The following PIK3CB variants were observed in gnomAD, a reference collection of about 807,000 sequenced individuals.
The protein encoded by PIK3CB is phosphatidylinositol-4,5-bisphosphate 3-kinase catalytic subunit beta, also known as phosphatidylinositol 4,5-bisphosphate 3-kinase catalytic subunit beta isoform.
In PIK3CB, 39 loss-of-function variants were observed where a neutral mutation model predicts 136.8. That is an observed-to-expected ratio of 0.29 (90% confidence interval 0.22 to 0.37). The LOEUF is 0.37. Ranked by LOEUF, PIK3CB falls within the 10% of genes least tolerant of loss-of-function variation. The pLI is 1.00. For synonymous variants in PIK3CB, 428 were observed against 436.6 expected, an observed-to-expected ratio of 0.98 and a Z score of 0.25; for missense variants, 868 against 1,275.4, an observed-to-expected ratio of 0.68 and a Z score of 4.87.
intron 19 of PIK3CB, among the ~76,000 whole-genome samples, chr3:138,669,479 C>G (rs1474904136): frequency 1.4e-5 from 2 of 147,680 alleles, no homozygotes; most frequent in Non-Finnish European, 3.0e-5. Context: ...GATATGAAGT[C>G]TTAATGGAGG....
intron 2 of PIK3CB, among the ~76,000 whole-genome samples, chr3:138,792,331 T>A (rs936525179): frequency 3.5e-5 from 5 of 143,986 alleles, no homozygotes; most frequent in African/African-American, 1.3e-4. Context: ...GCATTTACAT[T>A]GTATTAGGTA....
chr3:138,807,611 T>G (rs1278897553), intron 1 of PIK3CB, among the ~76,000 whole-genome samples: 1 of 152,072 alleles, frequency 6.6e-6, no homozygotes, highest in East Asian at 1.9e-4. Flanking sequence ...AGTCCAGGTG[T>G]GGTGGGAACA....
chr3:138,788,737 C>T (rs1181341145), intron 2 of PIK3CB, among the ~76,000 whole-genome samples: 1 of 148,496 alleles, frequency 6.7e-6, no homozygotes, highest in South Asian at 2.1e-4. Flanking sequence ...CCAAGGCGGG[C>T]GGATCACCTG....
chr3:138,663,781 GAAGTA>G (rs2043350521), intron 21 of PIK3CB, 120 bp downstream of exon 21: 4 of 887,912 alleles, frequency 4.5e-6, no homozygotes, highest in Non-Finnish European at 7.0e-6. Context: ...GTGAGAAATT[GAAGTA>G]AAGACAAAGA....
intron 1 of PIK3CB, chr3:138,825,222 C>T (rs982787509): frequency 9.7e-5 from 33 of 338,924 alleles, no homozygotes; most frequent in Middle Eastern, 4.3e-4. Context: ...CACTGATGCT[C>T]AAGAAGACAG....
chr3:138,826,046 G>A, intron 1 of PIK3CB: 1 of 1,294,154 alleles, frequency 7.7e-7, no homozygotes, highest in Non-Finnish European at 1.1e-6. Flanking sequence ...AGCTTACACA[G>A]CTTGCAAGTT....
chr3:138,801,599 G>A (rs969581959), intron 1 of PIK3CB, among the ~76,000 whole-genome samples: 8 of 151,894 alleles, frequency 5.3e-5, no homozygotes, highest in African/African-American at 7.2e-5. Context: ...AGCCAGGCGC[G>A]GTAGCTCACA....
intron 9 of PIK3CB, among the ~76,000 whole-genome samples, chr3:138,714,194 C>T (rs951371096): frequency 6.6e-6 from 1 of 151,950 alleles, no homozygotes; most frequent in African/African-American, 2.4e-5. Context: ...AAAAGTATTA[C>T]ATATATAATA....
At chr3:138,798,775 C>A (rs1456532418) in intron 1 of PIK3CB, among the ~76,000 whole-genome samples, 1 of 152,096 alleles carries the variant, frequency 6.6e-6, no homozygotes, top group Non-Finnish European at 1.5e-5. Flanking sequence ...GGAACTAAGA[C>A]CTTAGCACTG....
At chr3:138,704,962 T>C (rs536374813) in intron 11 of PIK3CB, among the ~76,000 whole-genome samples, 1 of 151,660 alleles carries the variant, frequency 6.6e-6, no homozygotes, top group African/African-American at 2.4e-5. Flanking sequence ...TTACATACTT[T>C]TTGTTTGTTT....
intron 1 of PIK3CB, 22 bp downstream of exon 1, chr3:138,834,673 G>T (rs2108950043): frequency 6.5e-6 from 1 of 154,634 alleles, no homozygotes; most frequent in South Asian, 2.0e-4. Context: ...CGCCGCATCC[G>T]GGTCCCGGCC....
At chr3:138,694,412 C>A (rs1033005240) in intron 14 of PIK3CB, among the ~76,000 whole-genome samples, 2 of 152,122 alleles carry the variant, frequency 1.3e-5, no homozygotes, top group Admixed American at 1.3e-4. Flanking sequence ...GAAAAGAACT[C>A]TTACAAGCTT....
intron 21 of PIK3CB, 145 bp from the exon 22 acceptor site, chr3:138,657,980 G>C: frequency 1.6e-6 from 1 of 638,106 alleles, no homozygotes; most frequent in Non-Finnish European, 2.6e-6. Flanking sequence ...CACTGAGCCA[G>C]GTGAGAAGAG....
chr3:138,662,863 T>G (rs1363046212), intron 21 of PIK3CB, among the ~76,000 whole-genome samples: 1 of 152,216 alleles, frequency 6.6e-6, no homozygotes, highest in Non-Finnish European at 1.5e-5. Context: ...TGATGGCCAG[T>G]GATGATGAGC....
At chr3:138,776,832 A>G (rs1028831103) in intron 2 of PIK3CB, among the ~76,000 whole-genome samples, 1 of 146,996 alleles carries the variant, frequency 6.8e-6, no homozygotes, top group Non-Finnish European at 1.5e-5. Context: ...CTGAGGTAGG[A>G]GGATCACTTG....
Position 138,694,873 on chromosome 3 carries a change from G to A in PIK3CB, c.1805C>T (p.Pro602Leu), listed in dbSNP as rs758527377. 1 of 1,611,144 alleles carries A rather than the reference G, an allele frequency of 6.2e-7. No individual in the cohort carries two copies. The highest frequency in any genetic ancestry group is 1.1e-5 in the South Asian group (1 of 90,392). ...QALLQIWPKLPPREALELLDF... is the reference protein window; with the variant it reads ...QALLQIWPKLLPREALELLDF... ...CAGAAGCTCTAGGGCCTCCCGGGGGGGCAGTTTAGGCCAAATCTGAAGCAG... is the reference window on the plus strand; with the variant it reads ...CAGAAGCTCTAGGGCCTCCCGGGGGAGCAGTTTAGGCCAAATCTGAAGCAG... Residue 602 changes from proline (P) to leucine (L), a missense_variant, in exon 14 of 24, where the codon CCC becomes CTC. Coordinates refer to ENST00000674063, the MANE Select transcript of PIK3CB (RefSeq NM_006219.3).
chr3:138,739,906 T>TAA (rs78049498), intron 5 of PIK3CB, among the ~76,000 whole-genome samples: 3 of 99,872 alleles, frequency 3.0e-5, no homozygotes, highest in African/African-American at 1.0e-4. Context: ...TCTCAAAAAA[T>TAA]AAAAAAAAAA....
At chr3:138,832,430 G>A (rs545979393) in intron 1 of PIK3CB, among the ~76,000 whole-genome samples, 1 of 152,038 alleles carries the variant, frequency 6.6e-6, no homozygotes, top group South Asian at 2.1e-4. Flanking sequence ...GGTGGTTCAT[G>A]CCTGTAATCC....
chr3:138,772,447 A>ATTATT lies in PIK3CB; in HGVS notation c.-16-13093_-16-13089dup, dbSNP rs1269965802. Among the ~76,000 whole-genome samples, 24 of 151,968 alleles carry ATTATT rather than the reference A, an allele frequency of 1.6e-4. No homozygotes were observed. In the East Asian group the frequency reaches 4.6e-3, roughly 29 times the overall value. On this transcript the variant is annotated intron_variant, in intron 2 of 23. Transcript: ENST00000674063. Reference sequence around the variant, plus strand: ...AGCAATTTATTCTGTATTTTTAAAAATTATTTTATTTTATTTATTTATTTT... The same window carrying ATTATT: ...AGCAATTTATTCTGTATTTTTAAAAATTATTTTATTTTATTTTATTTATTTATTTT...
Sources: allele counts gnomAD v4.1 joint callset (sites outside exome capture counted in the v4.1 genomes callset), GRCh38; gene constraint gnomAD v4.1.1; transcripts MANE v1.5; gene names NCBI Gene and HGNC (gene_info 2026-07-23, HGNC 2026-07-21).